INPP5B: variants seen among roughly 807,000 people sequenced by gnomAD.
INPP5B encodes the protein inositol polyphosphate-5-phosphatase B.
In INPP5B, 90 loss-of-function variants were observed where a neutral mutation model predicts 118.5. That is an observed-to-expected ratio of 0.76 (90% CI 0.64 to 0.90). The LOEUF is 0.90. Among genes scored for constraint, INPP5B ranks in the 40% least tolerant of loss-of-function variants. The pLI, the probability that INPP5B is intolerant of heterozygous loss-of-function variation, is 0.00. For synonymous variants in INPP5B, 385 were observed against 418.9 expected, an observed-to-expected ratio of 0.92 and a Z score of 0.99; for missense variants, 984 against 1,125.6, an observed-to-expected ratio of 0.87 and a Z score of 1.80.
At chr1:37,920,371 A>G (rs527487553) in intron 7 of INPP5B, among the ~76,000 whole-genome samples, 1 of 152,326 alleles carries the variant, frequency 6.6e-6, no homozygotes, top group East Asian at 1.9e-4. Flanking sequence ...TAGGGATACA[A>G]AAGAAGAATG....
intron 6 of INPP5B, among the ~76,000 whole-genome samples, chr1:37,936,737 T>C (rs1236895382): frequency 6.6e-6 from 1 of 151,358 alleles, no homozygotes; most frequent in Non-Finnish European, 1.5e-5. Flanking sequence ...TTTTTTTTTT[T>C]TGAGAGACAG....
Position 37,943,662 on chromosome 1 carries a change from T to C in INPP5B, c.258A>G (p.Pro86=). 1 of 1,614,074 alleles carries C rather than the reference T, an allele frequency of 6.2e-7. No individual in the cohort carries two copies. The highest frequency in any genetic ancestry group is 1.3e-5 in the African/African-American group (1 of 75,016). ...CACCAAGGATGTAGAGTTCACCATC[T>C]GGGGACACTGTGGGGAGGGAAATGA... The part of the protein sequence containing the change: ...SRDFTLEEVS[P]DGELYILGSD... The change falls in exon 5 of 24, where the codon CCA becomes CCG. Residue 86 remains proline, a synonymous_variant. Coordinates refer to ENST00000373024, the MANE Select transcript of INPP5B (RefSeq NM_005540.3).
chr1:37,943,897 A>G lies in INPP5B; in HGVS notation c.153-4T>C. 1 of 1,610,674 alleles carries G rather than the reference A, an allele frequency of 6.2e-7. No individual in the cohort carries two copies. The highest frequency in any genetic ancestry group is 8.5e-7 in the Non-Finnish European group (1 of 1,176,948). On this transcript the variant is annotated splice_polypyrimidine_tract_variant and splice_region_variant and intron_variant, in intron 3 of 23. Transcript: ENST00000373024. The stretch of plus-strand genomic sequence containing the variant: ...CCGGTGCGTATAGAGGAAGAGACTA[A>G]GGGCAGGAAGCAGAGGTGAGGATGG...
At chr1:37,864,503 A>G in intron 22 of INPP5B, 80 bp from the exon 23 acceptor site, 1 of 803,096 alleles carries the variant, frequency 1.2e-6, no homozygotes, top group East Asian at 2.7e-5. Flanking sequence ...AGAACTGTAT[A>G]CACGATCCAA....
intron 7 of INPP5B, among the ~76,000 whole-genome samples, chr1:37,897,408 G>C (rs867417788): frequency 5.1e-4 from 78 of 151,568 alleles, no homozygotes; most frequent in African/African-American, 1.9e-3. Flanking sequence ...CTTCTGCCTT[G>C]GGATCCTGTT....
intron 7 of INPP5B, among the ~76,000 whole-genome samples, chr1:37,896,851 CGGGGAAG>C (rs1644117101): frequency 7.5e-6 from 1 of 134,078 alleles, no homozygotes; most frequent in Non-Finnish European, 1.6e-5. Context: ...GCCGCCCCTA[CGGGGAAG>C]TGAGGAGCCC....
intron 18 of INPP5B, 63 bp downstream of exon 18, chr1:37,873,930 A>C (rs1016495021): frequency 7.7e-7 from 1 of 1,296,084 alleles, no homozygotes; most frequent in African/African-American, 1.5e-5. Flanking sequence ...TAGGAAAATG[A>C]GCAAATATAG....
intron 22 of INPP5B, chr1:37,864,707 T>C: frequency 4.2e-6 from 1 of 236,030 alleles, no homozygotes; most frequent in East Asian, 8.6e-5. Flanking sequence ...CAGAGGTTAA[T>C]AACTGGGGTG....
At chr1:37,873,473 C>A in intron 18 of INPP5B, 1 of 380,806 alleles carries the variant, frequency 2.6e-6, no homozygotes. Context: ...GATCAAAGAG[C>A]CTTCCCTGAG....
intron 3 of INPP5B, among the ~76,000 whole-genome samples, chr1:37,945,504 C>T (rs1646080009): frequency 6.6e-6 from 1 of 152,188 alleles, no homozygotes; most frequent in Non-Finnish European, 1.5e-5. Context: ...ATTTGGACCA[C>T]GAGGCTCAAG....
chr1:37,939,327 G>A (rs1170988863), intron 6 of INPP5B, among the ~76,000 whole-genome samples: 2 of 149,340 alleles, frequency 1.3e-5, no homozygotes, highest in Non-Finnish European at 3.0e-5. Context: ...TCGCGCCACT[G>A]CACTCCAGCC....
intron 13 of INPP5B, chr1:37,883,840 G>A: frequency 4.1e-6 from 4 of 985,460 alleles, no homozygotes; most frequent in Non-Finnish European, 4.8e-6. Flanking sequence ...CTCCTTGGCA[G>A]ATATCACGGC....
rs1347452304 is a variant in INPP5B, at chr1:37,861,332, G to A, written c.*983C>T. On this transcript the variant is annotated 3_prime_UTR_variant, in exon 24 of 24. Coordinates refer to ENST00000373024, the MANE Select transcript of INPP5B (RefSeq NM_005540.3). ...CTGCATTCTTGCCATCCAACTCATTGGCCTTTCAGGACTTTCCATCAAATA... is the reference window on the plus strand; with the variant it reads ...CTGCATTCTTGCCATCCAACTCATTAGCCTTTCAGGACTTTCCATCAAATA... The A allele has an allele frequency of 6.6e-6, 1 of 152,240 alleles. No individual in the cohort carries two copies. The highest frequency in any genetic ancestry group is 2.4e-5 in the African/African-American group (1 of 41,438). 9.4% of individuals were successfully genotyped at this position (152,240 alleles called of 1,614,324 possible).
chr1:37,937,447 C>T (rs1344083811), intron 6 of INPP5B, among the ~76,000 whole-genome samples: 21 of 152,128 alleles, frequency 1.4e-4, no homozygotes, highest in Non-Finnish European at 2.8e-4. Context: ...GCCTGGCCAA[C>T]GTGGTAAAAC....
intron 7 of INPP5B, among the ~76,000 whole-genome samples, chr1:37,922,244 C>A (rs1335786804): frequency 6.6e-6 from 1 of 151,750 alleles, no homozygotes; most frequent in Non-Finnish European, 1.5e-5. Flanking sequence ...TAAAAGTTAG[C>A]CAGACATGGT....
chr1:37,898,507 A>C (rs1644207297), intron 7 of INPP5B, among the ~76,000 whole-genome samples: 1 of 152,106 alleles, frequency 6.6e-6, no homozygotes, highest in African/African-American at 2.4e-5. Flanking sequence ...TATCCTGACT[A>C]ACACGGTGAA....
chr1:37,928,148 GT>G (rs1645309736), intron 7 of INPP5B, among the ~76,000 whole-genome samples: 1 of 151,870 alleles, frequency 6.6e-6, no homozygotes, highest in Non-Finnish European at 1.5e-5. Context: ...GGGTGCCTTT[GT>G]TTCTCCTGCC....
chr1:37,877,453 G>A (rs548822417), intron 16 of INPP5B, among the ~76,000 whole-genome samples: 56 of 152,204 alleles, frequency 3.7e-4, no homozygotes, highest in African/African-American at 1.2e-3. Flanking sequence ...CAAAAATTTT[G>A]AAGACTGATA....
chr1:37,933,858 A>C (rs550867783), intron 6 of INPP5B, among the ~76,000 whole-genome samples: 8 of 151,312 alleles, frequency 5.3e-5, no homozygotes, highest in Non-Finnish European at 1.2e-4. Context: ...TTGGCATCAG[A>C]AACTGAAGTT....
Sources: allele counts gnomAD v4.1 joint callset (sites outside exome capture counted in the v4.1 genomes callset), GRCh38; gene constraint gnomAD v4.1.1; transcripts MANE v1.5; gene names NCBI Gene and HGNC (gene_info 2026-07-23, HGNC 2026-07-21).